The following CNTNAP2 variants were observed in gnomAD, a reference collection of about 807,000 sequenced individuals.
CNTNAP2 encodes contactin-associated protein-like 2.
In CNTNAP2, 98 loss-of-function variants were observed where a neutral mutation model predicts 155.2. The observed-to-expected ratio is 0.63, with a 90% confidence interval of 0.54 to 0.75. The LOEUF (loss-of-function observed/expected upper bound fraction) is 0.75. Among genes scored for constraint, CNTNAP2 ranks in the 30% least tolerant of loss-of-function variants. CNTNAP2 has a pLI of 0.00. For missense variants in CNTNAP2, 1,727 were observed against 1,688.1 expected, an observed-to-expected ratio of 1.02 and a Z score of -0.40; for synonymous variants, 651 against 631.2, an observed-to-expected ratio of 1.03 and a Z score of -0.47.
At chr7:146,335,395 A>C (rs7806934) in intron 1 of CNTNAP2, among the ~76,000 whole-genome samples, 11,097 of 152,204 alleles carry the variant, frequency 0.073, 1,147 homozygotes, top group African/African-American at 0.23. Context: ...ATGTCCCTCG[A>C]GATTCTTGCT....
intron 1 of CNTNAP2, among the ~76,000 whole-genome samples, chr7:146,604,398 G>A: frequency 7.2e-6 from 1 of 138,154 alleles, no homozygotes; most frequent in South Asian, 2.4e-4. Context: ...CAGTTAGAAT[G>A]GCAATCATTA....
chr7:147,985,198 A>G (rs1801596702), intron 15 of CNTNAP2, among the ~76,000 whole-genome samples: 1 of 151,768 alleles, frequency 6.6e-6, no homozygotes, highest in Non-Finnish European at 1.5e-5. Context: ...TCTCTCTGGT[A>G]ATCCCCTCAA....
chr7:146,898,334 A>G (rs1034584131), intron 3 of CNTNAP2, among the ~76,000 whole-genome samples: 1 of 152,130 alleles, frequency 6.6e-6, no homozygotes, highest in Admixed American at 6.6e-5. Flanking sequence ...TAGTGAGCAC[A>G]AAAATATGGA....
At position 146,179,374 on chromosome 7, in the gene CNTNAP2, A is replaced by C. The variant is rs759749481; in HGVS notation, c.97+62401A>C. Among the ~76,000 whole-genome samples, 8 of 146,146 alleles carry C rather than the reference A, an allele frequency of 5.5e-5. No homozygotes were observed. The South Asian group carries it at 6.4e-4, about 12-fold the overall frequency. ...AAAATAATTGTGGAAAGCCAAGACT[A>C]TCTGATATTTTTTGATATCAAAGAA... On this transcript the variant is annotated intron_variant, in intron 1 of 23. Coordinates refer to ENST00000361727, the MANE Select transcript of CNTNAP2 (RefSeq NM_014141.6).
Position 148,172,373 on chromosome 7 carries a change from A to G in CNTNAP2, c.2905A>G (p.Ser969Gly). The change falls in exon 18 of 24, where the codon AGC becomes GGC. Residue 969 changes from serine to glycine, a missense_variant. Physicochemically the swap from Ser to Gly is moderately conservative, Grantham distance 56. Coordinates refer to ENST00000361727, the MANE Select transcript of CNTNAP2 (RefSeq NM_014141.6). ...FISGCSGHCT[S>G]YGTNCENGGK... ...ATCCGGATGCTCGGGCCATTGCACC[A>G]GCTATGGAACAAACTGTGAAAATGG... The G allele has an allele frequency of 1.2e-6, 2 of 1,614,146 alleles. No individual in the cohort carries two copies. The highest frequency in any genetic ancestry group is 1.7e-6 in the Non-Finnish European group (2 of 1,180,022).
rs1167229944 is a variant in CNTNAP2, at chr7:148,420,111, G to C, written c.*4495G>C. On this transcript the variant is annotated 3_prime_UTR_variant, in exon 24 of 24. Transcript: ENST00000361727. ...CAGCTGCTCAGTTATTAATCATGCA[G>C]ACTAACCTGTCAACACTGGGAGATG... is the stretch of plus-strand genomic sequence containing the variant. 1 of 152,188 alleles carries C rather than the reference G, an allele frequency of 6.6e-6. No individual in the cohort carries two copies. The highest frequency in any genetic ancestry group is 1.5e-5 in the Non-Finnish European group (1 of 68,038). 9.4% of individuals were successfully genotyped at this position (152,188 alleles called of 1,614,324 possible). A position where few individuals can be genotyped will look rare whatever the true frequency, so the allele number is the denominator to read the frequency against.
chr7:147,822,711 T>C (rs778982498), intron 13 of CNTNAP2, among the ~76,000 whole-genome samples: 1 of 152,138 alleles, frequency 6.6e-6, no homozygotes. Flanking sequence ...ATACTGCCAC[T>C]AATAGGATGC....
intron 13 of CNTNAP2, among the ~76,000 whole-genome samples, chr7:147,740,947 T>G (rs1404739): frequency 0.99 from 151,423 of 152,262 alleles, 75,296 homozygotes; most frequent in Middle Eastern, 1. Flanking sequence ...TGTCAGAGTT[T>G]TCCCAACTGG....
At chr7:147,789,006 G>C (rs937424168) in intron 13 of CNTNAP2, among the ~76,000 whole-genome samples, 41 of 142,802 alleles carry the variant, frequency 2.9e-4, no homozygotes, top group African/African-American at 1.1e-3. Flanking sequence ...CTGGGCTCAA[G>C]AAATTCTCCT....
chr7:148,102,228 G>A (rs1804115706), intron 15 of CNTNAP2, among the ~76,000 whole-genome samples: 1 of 152,138 alleles, frequency 6.6e-6, no homozygotes, highest in Non-Finnish European at 1.5e-5. Flanking sequence ...AGAACATGTG[G>A]TATTTGATTT....
At chr7:146,603,062 A>T (rs1255650103) in intron 1 of CNTNAP2, among the ~76,000 whole-genome samples, 1 of 151,592 alleles carries the variant, frequency 6.6e-6, no homozygotes, top group Non-Finnish European at 1.5e-5. Flanking sequence ...CTCTGCACTT[A>T]CAGAAATGTA....
At chr7:146,187,873 G>A (rs1798646218) in intron 1 of CNTNAP2, among the ~76,000 whole-genome samples, 1 of 152,094 alleles carries the variant, frequency 6.6e-6, no homozygotes, top group Non-Finnish European at 1.5e-5. Context: ...ACAAATGTGA[G>A]GTAGTTTTTC....
At chr7:147,500,324 C>T (rs11977906) in intron 11 of CNTNAP2, among the ~76,000 whole-genome samples, 48,316 of 151,778 alleles carry the variant, frequency 0.32, 7,913 homozygotes, top group East Asian at 0.43. Context: ...AACAGACCAG[C>T]CTGGTCTCTT....
chr7:147,019,359 T>C (rs1156389719), intron 3 of CNTNAP2, among the ~76,000 whole-genome samples: 1 of 152,044 alleles, frequency 6.6e-6, no homozygotes, highest in African/African-American at 2.4e-5. Flanking sequence ...TGTTAACTTA[T>C]GATATACGAC....
chr7:146,541,816 C>G (rs560892979), intron 1 of CNTNAP2, among the ~76,000 whole-genome samples: 1 of 151,904 alleles, frequency 6.6e-6, no homozygotes, highest in African/African-American at 2.4e-5. Context: ...TGCAAGTAAC[C>G]TTTTCACCAG....
intron 1 of CNTNAP2, among the ~76,000 whole-genome samples, chr7:146,740,980 C>T (rs999845178): frequency 5.8e-4 from 88 of 152,124 alleles, no homozygotes; most frequent in African/African-American, 1.9e-3. Flanking sequence ...TCTGCTGGTA[C>T]TGGTTCGGAA....
At chr7:147,634,577 A>AC (rs1795146150) in intron 12 of CNTNAP2, among the ~76,000 whole-genome samples, 1 of 151,880 alleles carries the variant, frequency 6.6e-6, no homozygotes, top group South Asian at 2.1e-4. Flanking sequence ...AACCACCTGT[A>AC]CCCCCCAAAA....
At chr7:148,276,443 G>A (rs555801402) in intron 21 of CNTNAP2, among the ~76,000 whole-genome samples, 4 of 152,296 alleles carry the variant, frequency 2.6e-5, no homozygotes, top group Non-Finnish European at 4.4e-5. Context: ...AGGGCATCTC[G>A]CCACCTCCTC....
rs192453581 is a variant in CNTNAP2 at position 146,658,312 on chromosome 7, T to G, written c.98-115959T>G. Among the ~76,000 whole-genome samples the G allele has an allele frequency of 1.8e-4, 28 of 152,194 alleles. No individual in the cohort carries two copies. In the Middle Eastern group the frequency reaches 0.017, roughly 92 times the overall value. On this transcript the variant is annotated intron_variant, in intron 1 of 23. Transcript: ENST00000361727. Reference sequence around the variant, plus strand: ...TGAAATTATTTTGAGAGTGTGGAATTCTGAGCTAAGTTATAGTGCTGGTGT... The same window carrying G: ...TGAAATTATTTTGAGAGTGTGGAATGCTGAGCTAAGTTATAGTGCTGGTGT...
Sources: allele counts gnomAD v4.1 joint callset (sites outside exome capture counted in the v4.1 genomes callset), GRCh38; gene constraint gnomAD v4.1.1; transcripts MANE v1.5; gene names NCBI Gene and HGNC (gene_info 2026-07-23, HGNC 2026-07-21).